The following C4orf54 variants were observed in gnomAD, a reference collection of about 807,000 sequenced individuals.
The protein encoded by C4orf54 is chromosome 4 open reading frame 54.
A neutral mutation model predicts 80.1 loss-of-function variants in C4orf54; 67 were observed. That is an observed-to-expected ratio of 0.84 (90% CI 0.69 to 1.03). The LOEUF (loss-of-function observed/expected upper bound fraction) is 1.03. Ranked by LOEUF, C4orf54 falls within the 50% of genes least tolerant of loss-of-function variation. C4orf54 has a pLI of 0.00. For synonymous variants in C4orf54, 1,000 were observed against 917.0 expected, an observed-to-expected ratio of 1.09 and a Z score of -1.64; for missense variants, 2,434 against 2,253.5, an observed-to-expected ratio of 1.08 and a Z score of -1.62.
At position 99,653,876 on chromosome 4, in the gene C4orf54, G is replaced by T; in HGVS notation, c.773C>A (p.Ser258Tyr). Residue 258 changes from serine (S) to tyrosine (Y), a missense_variant, in exon 2 of 3, where the codon TCT becomes TAT. By Grantham distance (144) the Ser-to-Tyr change is moderately radical (BLOSUM62 -2). Transcript: ENST00000511828. ...ASSQLSRSQH[S>Y]ASEEGGNFSS... ...GAAATTGCCACCCTCTTCAGAGGCA[G>T]AGTGCTGGGATCTAGAGAGTTGGGA... is the stretch of plus-strand genomic sequence containing the variant. 6.5e-7 allele frequency: 1 copy of T among 1,536,320 alleles called. No homozygotes were observed.
chr4:99,644,907 C>A (rs1367181347), intron 2 of C4orf54, among the ~76,000 whole-genome samples: 2 of 144,646 alleles, frequency 1.4e-5, no homozygotes, highest in Non-Finnish European at 3.0e-5. Flanking sequence ...AATTCTCAAG[C>A]AAATGGCAAT....
In C4orf54 at chr4:99,654,280, G is replaced by A; in HGVS notation, c.369C>T (p.Thr123=). The part of the protein sequence containing the change: ...TLQPLRGQRR[T]QDFPSDHHCL... The stretch of plus-strand genomic sequence containing the variant: ...AATGGTGATCGCTGGGGAAGTCTTG[G>A]GTCCGTCTCTGGCCCCGGAGGGGCT... Residue 123 remains threonine, a synonymous_variant, in exon 2 of 3, where the codon ACC becomes ACT. Transcript: ENST00000511828. 6.5e-7 allele frequency: 1 copy of A among 1,535,746 alleles called. No individual in the cohort carries two copies. The highest frequency in any genetic ancestry group is 8.7e-7 in the Non-Finnish European group (1 of 1,146,542).
chr4:99,649,061 TC>T (rs2110251434), intron 2 of C4orf54, among the ~76,000 whole-genome samples, 169 bp downstream of exon 2: 1 of 152,312 alleles, frequency 6.6e-6, no homozygotes, highest in East Asian at 1.9e-4. Flanking sequence ...AGAGGGGGAA[TC>T]CTGGCAAAAT....
In C4orf54 at chr4:99,652,135, G is replaced by A. The variant is rs1313385949; in HGVS notation, c.2514C>T (p.Ser838=). 6.5e-7 allele frequency: 1 copy of A among 1,535,964 alleles called. No individual in the cohort carries two copies. Among genetic ancestry groups the A allele is most frequent in the African/African-American group, 1.4e-5 (1 of 73,060 alleles). ...CCTTGGAGGTGCCTGAGAGGTGGTG[G>A]GATGTATCCATGACTTCTCCCCTCT... ...KMERGEVMDT[S]HHLSGTSKET... Residue 838 remains serine (S), a synonymous_variant, in exon 2 of 3, where the codon TCC becomes TCT. Transcript: ENST00000511828.
rs767379560 is a variant in C4orf54, at chr4:99,638,246, A to G, written c.*2987T>C. On this transcript the variant is annotated 3_prime_UTR_variant, in exon 3 of 3. Coordinates refer to ENST00000511828, the MANE Select transcript of C4orf54 (RefSeq NM_001354435.2). ...ATATAGAGAGCCTCTCTGCTATGTC[A>G]TTACCTACATATCTGGGCCTTCACT... 1 of 152,156 alleles carries G rather than the reference A, an allele frequency of 6.6e-6. No homozygotes were observed. The highest frequency in any genetic ancestry group is 6.5e-5 in the Admixed American group (1 of 15,274). 9.4% of individuals were successfully genotyped at this position (152,156 alleles called of 1,614,324 possible).
chr4:99,646,408 AG>A (rs1162326698), intron 2 of C4orf54, among the ~76,000 whole-genome samples: 1 of 152,198 alleles, frequency 6.6e-6, no homozygotes, highest in African/African-American at 2.4e-5. Flanking sequence ...ATGTCCAGAG[AG>A]GCAAATGGAA....
chr4:99,650,067 TGGTTC>T lies in C4orf54; in HGVS notation c.4577_4581del (p.Gly1526GlufsTer10). 1 of 1,535,780 alleles carries T rather than the reference TGGTTC, an allele frequency of 6.5e-7. No individual in the cohort carries two copies. The highest frequency in any genetic ancestry group is 8.7e-7 in the Non-Finnish European group (1 of 1,146,824). The stretch of plus-strand genomic sequence containing the variant: ...GGTTTGGTACGCCAAGCTGGTCGGC[TGGTTC>T]CACTAACCTGAGAGCCTTTGGAGCT... On this transcript the variant is annotated frameshift_variant, in exon 2 of 3. Transcript: ENST00000511828. LOFTEE classifies it high-confidence loss of function.
rs1553930649 is a variant in C4orf54, at chr4:99,653,013, C to T, written c.1636G>A (p.Ala546Thr). 1 of 1,536,158 alleles carries T rather than the reference C, an allele frequency of 6.5e-7. No individual in the cohort carries two copies. Among genetic ancestry groups the T allele is most frequent in the South Asian group, 1.2e-5 (1 of 84,066 alleles). The change falls in exon 2 of 3, where the codon GCC becomes ACC. Residue 546 changes from alanine (A) to threonine (T), a missense_variant. Coordinates refer to ENST00000511828, the MANE Select transcript of C4orf54 (RefSeq NM_001354435.2). Reference sequence around the variant, plus strand: ...AGGCTCATGTCGCCTTCATGCTTGGCAGCATAAATAATGTTTTGCTTTGCA... The same window carrying T: ...AGGCTCATGTCGCCTTCATGCTTGGTAGCATAAATAATGTTTTGCTTTGCA... Reference protein sequence around the residue: ...VRAKQNIIYAAKHEGDMSLRV... With the variant: ...VRAKQNIIYATKHEGDMSLRV...
Position 99,653,406 on chromosome 4 carries a change from T to A in C4orf54, c.1243A>T (p.Thr415Ser). Residue 415 changes from threonine to serine, a missense_variant, in exon 2 of 3, where the codon ACC becomes TCC. Physicochemically the swap from Thr to Ser is moderately conservative, Grantham distance 58 (BLOSUM62 1). Coordinates refer to ENST00000511828, the MANE Select transcript of C4orf54 (RefSeq NM_001354435.2). ...DYASFGGSDE[T>S]PGDITSLTEE... is the part of the protein sequence containing the mutation. ...GTCAGACTGGTGATGTCCCCTGGGG[T>A]CTCGTCGCTGCCACCAAAGGAAGCA... 1 of 1,536,090 alleles carries A rather than the reference T, an allele frequency of 6.5e-7. No homozygotes were observed. Among genetic ancestry groups the A allele is most frequent in the Non-Finnish European group, 8.7e-7 (1 of 1,146,876 alleles).
rs1023213948 is a variant in C4orf54, at chr4:99,639,768, AC to A, written c.*1464del. The A allele has an allele frequency of 6.6e-6, 1 of 152,140 alleles. No individual in the cohort carries two copies. The highest frequency in any genetic ancestry group is 2.4e-5 in the African/African-American group (1 of 41,438). The allele number at this position is 152,140 out of a possible 1,614,324, so 9.4% of individuals were successfully genotyped here. On this transcript the variant is annotated 3_prime_UTR_variant, in exon 3 of 3. Coordinates refer to ENST00000511828, the MANE Select transcript of C4orf54 (RefSeq NM_001354435.2). ...AAAGTAAAAAGATTATATAAATCATACAAAACTCAGTCTCCTAGTTTTTTAC... is the reference window on the plus strand; with the variant it reads ...AAAGTAAAAAGATTATATAAATCATAAAAACTCAGTCTCCTAGTTTTTTAC...
At chr4:99,642,407 A>G (rs1257366477) in intron 2 of C4orf54, among the ~76,000 whole-genome samples, 1 of 152,216 alleles carries the variant, frequency 6.6e-6, no homozygotes, top group Non-Finnish European at 1.5e-5. Flanking sequence ...GAGAGAAAAG[A>G]AAGAAACAAT....
chr4:99,657,656 A>C lies in C4orf54; in HGVS notation c.-193T>G, dbSNP rs1001061807. 2.6e-5 allele frequency among the ~76,000 whole-genome samples: 4 copies of C among 152,242 alleles called. No individual in the cohort carries two copies. Among genetic ancestry groups the C allele is most frequent in the African/African-American group, 9.6e-5 (4 of 41,464 alleles). On this transcript the variant is annotated 5_prime_UTR_variant, in exon 1 of 3. The change creates a new upstream start codon in the 5' untranslated region. Coordinates refer to ENST00000511828, the MANE Select transcript of C4orf54 (RefSeq NM_001354435.2). ...AAAACCATGTGAGCTGAAAATTTTGAATAGAACAGACTCTATTAAAAGCAA... is the reference window on the plus strand; with the variant it reads ...AAAACCATGTGAGCTGAAAATTTTGCATAGAACAGACTCTATTAAAAGCAA...
In C4orf54 at chr4:99,637,543, G is replaced by A. The variant is rs1489571045; in HGVS notation, c.*3690C>T. On this transcript the variant is annotated 3_prime_UTR_variant, in exon 3 of 3. Coordinates refer to ENST00000511828, the MANE Select transcript of C4orf54 (RefSeq NM_001354435.2). ...TGTGAGGTCTACTTAGGACCCAGAA[G>A]CTAGTTAAGAATATATAAGCAGTCT... The A allele has an allele frequency of 1.3e-5, 2 of 152,124 alleles. No individual in the cohort carries two copies. Among genetic ancestry groups the A allele is most frequent in the Non-Finnish European group, 2.9e-5 (2 of 68,010 alleles). The allele number at this position is 152,124 out of a possible 1,614,324, so 9.4% of individuals were successfully genotyped here. A position where few individuals can be genotyped will look rare whatever the true frequency, so the allele number is the denominator to read the frequency against.
At position 99,650,058 on chromosome 4, in the gene C4orf54, C is replaced by T; in HGVS notation, c.4591G>A (p.Ala1531Thr). 2 of 1,535,894 alleles carry T rather than the reference C, an allele frequency of 1.3e-6. No homozygotes were observed. Among genetic ancestry groups the T allele is most frequent in the Non-Finnish European group, 1.7e-6 (2 of 1,146,846 alleles). Residue 1531 changes from alanine (A) to threonine (T), a missense_variant, in exon 2 of 3, where the codon GCT becomes ACT. Coordinates refer to ENST00000511828, the MANE Select transcript of C4orf54 (RefSeq NM_001354435.2). ...GGGTTGTCAGGTTTGGTACGCCAAGCTGGTCGGCTGGTTCCACTAACCTGA... is the reference window on the plus strand; with the variant it reads ...GGGTTGTCAGGTTTGGTACGCCAAGTTGGTCGGCTGGTTCCACTAACCTGA... ...GSQVSGTSRPAWRTKPDNPRE... is the reference protein window; with the variant it reads ...GSQVSGTSRPTWRTKPDNPRE...
rs1389720629 is a variant in C4orf54, at chr4:99,650,136, T to A, written c.4513A>T (p.Ser1505Cys). Residue 1505 changes from serine (S) to cysteine (C), a missense_variant, in exon 2 of 3, where the codon AGT (serine) becomes TGT (cysteine). Coordinates refer to ENST00000511828, the MANE Select transcript of C4orf54 (RefSeq NM_001354435.2). ...PPNSSAATLCSLPPLSARSQV... is the reference protein window; with the variant it reads ...PPNSSAATLCCLPPLSARSQV... ...CTGCGGGCACTCAGCGGGGGTAAAC[T>A]ACAGAGAGTGGCAGCTGAGGAGTTG... 2.6e-6 allele frequency: 4 copies of A among 1,535,630 alleles called. No homozygotes were observed. In the African/African-American group the frequency reaches 4.1e-5, roughly 16 times the overall value.
rs1203095950 is a variant in C4orf54 at position 99,652,857 on chromosome 4, G to A, written c.1792C>T (p.Arg598Trp). 11 of 1,535,964 alleles carry A rather than the reference G, an allele frequency of 7.2e-6. No individual in the cohort carries two copies. Among genetic ancestry groups the A allele is most frequent in the African/African-American group, 2.7e-5 (2 of 73,026 alleles). The change falls in exon 2 of 3, where the codon CGG becomes TGG. Residue 598 changes from arginine to tryptophan, a missense_variant. Transcript: ENST00000511828. Reference protein sequence around the residue: ...ARLQTRCGAIRAKELVDYSSG... With the variant: ...ARLQTRCGAIWAKELVDYSSG... ...GAGTAGTCCACCAGCTCCTTCGCCCGGATGGCCCCGCACCTGGTTTGCAGG... is the reference window on the plus strand; with the variant it reads ...GAGTAGTCCACCAGCTCCTTCGCCCAGATGGCCCCGCACCTGGTTTGCAGG...
intron 2 of C4orf54, among the ~76,000 whole-genome samples, chr4:99,648,056 T>TTC (rs952598120): frequency 2.6e-5 from 4 of 151,774 alleles, no homozygotes; most frequent in African/African-American, 7.3e-5. Context: ...TTTTTTCTTT[T>TTC]TTTTTTTTGG....
In C4orf54 at chr4:99,641,394, C is replaced by T. The variant is rs570913320; in HGVS notation, c.*37-198G>A. On this transcript the variant is annotated intron_variant, in intron 2 of 2. Coordinates refer to ENST00000511828, the MANE Select transcript of C4orf54 (RefSeq NM_001354435.2). Reference sequence around the variant, plus strand: ...GTTTATGAACTTACTAAACATTATGCCAACTTCAGGAAATTGCCCCAAGTG... The same window carrying T: ...GTTTATGAACTTACTAAACATTATGTCAACTTCAGGAAATTGCCCCAAGTG... 2.0e-5 allele frequency among the ~76,000 whole-genome samples: 3 copies of T among 152,134 alleles called. No individual in the cohort carries two copies. In the East Asian group the frequency reaches 5.8e-4, roughly 29 times the overall value.
Position 99,652,563 on chromosome 4 carries a change from T to C in C4orf54, c.2086A>G (p.Ser696Gly). ...ASVAAGLRKG[S>G]GARATADQLY... Reference sequence around the variant, plus strand: ...TGGTCGGCAGTGGCCCGGGCCCCACTGCCCTTCCTCAGACCTGCAGCCACA... The same window carrying C: ...TGGTCGGCAGTGGCCCGGGCCCCACCGCCCTTCCTCAGACCTGCAGCCACA... The change falls in exon 2 of 3, where the codon AGT becomes GGT. Residue 696 changes from serine to glycine, a missense_variant. Transcript: ENST00000511828. 6.5e-7 allele frequency: 1 copy of C among 1,536,054 alleles called. No individual in the cohort carries two copies. Among genetic ancestry groups the C allele is most frequent in the Non-Finnish European group, 8.7e-7 (1 of 1,146,896 alleles).
Sources: allele counts gnomAD v4.1 joint callset (sites outside exome capture counted in the v4.1 genomes callset), GRCh38; gene constraint gnomAD v4.1.1; transcripts MANE v1.5; gene names NCBI Gene and HGNC (gene_info 2026-07-23, HGNC 2026-07-21).